The following GPR107 variants were observed in gnomAD, a reference collection of about 807,000 sequenced individuals.
The protein encoded by GPR107 is protein GPR107.
In GPR107, 31 loss-of-function variants were observed where a neutral mutation model predicts 75.5. The ratio of observed to expected loss-of-function variants is 0.41; its 90% CI spans 0.31 to 0.55. The LOEUF is 0.55. Among genes scored for constraint, GPR107 ranks in the 20% least tolerant of loss-of-function variants. The pLI is 0.26. For synonymous variants in GPR107, 267 were observed against 251.3 expected (o/e 1.06, Z -0.59); for missense variants, 572 against 665.7 (o/e 0.86, Z 1.55).
chr9:130,068,335 G>A (rs2132547588), intron 1 of GPR107, among the ~76,000 whole-genome samples: 1 of 151,668 alleles, frequency 6.6e-6, no homozygotes, highest in East Asian at 1.9e-4. Context: ...ACAAGCTCTG[G>A]ATCTTGTGGC....
rs962659145 is a variant in GPR107 at position 130,112,004 on chromosome 9, A to G, written c.1306+4465A>G. ...CACTCTGTCTCGCCTGCTAAGATTT[A>G]CTGGCTCTGACTGCCCTTGAGCCCG... On this transcript the variant is annotated intron_variant, in intron 14 of 17. Coordinates refer to ENST00000347136, the MANE Select transcript of GPR107 (RefSeq NM_020960.5). The surrounding 1 kb of genome is among the most constrained non-coding windows in gnomAD (Gnocchi z 4.0). 1.1e-4 allele frequency among the ~76,000 whole-genome samples: 17 copies of G among 152,140 alleles called. No individual in the cohort carries two copies. The highest frequency in any genetic ancestry group is 6.5e-5 in the Admixed American group (1 of 15,284).
chr9:130,087,304 C>T (rs1830636860), intron 7 of GPR107, among the ~76,000 whole-genome samples: 1 of 152,054 alleles, frequency 6.6e-6, no homozygotes, highest in Non-Finnish European at 1.5e-5. Context: ...TCCCAAAGTG[C>T]CGAGATTACA....
chr9:130,130,796 G>C (rs560907977), intron 17 of GPR107, among the ~76,000 whole-genome samples: 1 of 150,526 alleles, frequency 6.6e-6, no homozygotes, highest in East Asian at 2.0e-4. Flanking sequence ...CTTGAAATCG[G>C]AAGGCGGAGG....
intron 1 of GPR107, among the ~76,000 whole-genome samples, chr9:130,057,473 C>G (rs1564655554): frequency 6.7e-6 from 1 of 148,158 alleles, no homozygotes; most frequent in Non-Finnish European, 1.5e-5. Flanking sequence ...TGGCTCCAGC[C>G]TGGGGGACAG....
chr9:130,098,976 G>A (rs1335219014), intron 9 of GPR107, among the ~76,000 whole-genome samples: 3 of 151,910 alleles, frequency 2.0e-5, no homozygotes, highest in Non-Finnish European at 2.9e-5. Context: ...TTGTGCCACT[G>A]CACTCCAGCC....
intron 6 of GPR107, among the ~76,000 whole-genome samples, chr9:130,086,209 A>C (rs1054567622): frequency 2.6e-5 from 4 of 152,214 alleles, no homozygotes; most frequent in African/African-American, 4.8e-5. Context: ...GTGCAGAGGC[A>C]GAAGAGACAG....
intron 10 of GPR107, among the ~76,000 whole-genome samples, chr9:130,099,999 A>T (rs1830981790): frequency 6.9e-6 from 1 of 144,174 alleles, no homozygotes. Flanking sequence ...GGTTCACGCC[A>T]TTCTCCTGCC....
chr9:130,126,242 C>G (rs1320443410), intron 15 of GPR107, among the ~76,000 whole-genome samples: 1 of 144,550 alleles, frequency 6.9e-6, no homozygotes, highest in African/African-American at 2.5e-5. Flanking sequence ...AAAGACAGAG[C>G]TTGCTAGAAA....
At chr9:130,091,526 CTT>C (rs375016486) in intron 8 of GPR107, among the ~76,000 whole-genome samples, 55 of 123,154 alleles carry the variant, frequency 4.5e-4, no homozygotes, top group South Asian at 1.3e-3. Context: ...CTGGTACTCA[CTT>C]TTTTTTTTTT....
chr9:130,137,993 GTGTGTA>G lies in GPR107; in HGVS notation c.*2875_*2880del, dbSNP rs1832000693. 1 of 152,350 alleles carries G rather than the reference GTGTGTA, an allele frequency of 6.6e-6. No homozygotes were observed. The highest frequency in any genetic ancestry group is 2.4e-5 in the African/African-American group (1 of 41,582). 9.4% of individuals were successfully genotyped at this position (152,350 alleles called of 1,614,324 possible). ...GCTGCTGGCTGTGAAATTTAATAAA[GTGTGTA>G]TGCTTTGCTAGAAAATTATTTCTTG... On this transcript the variant is annotated 3_prime_UTR_variant, in exon 18 of 18. Coordinates refer to ENST00000347136, the MANE Select transcript of GPR107 (RefSeq NM_020960.5).
chr9:130,056,131 C>G (rs987308806), intron 1 of GPR107, among the ~76,000 whole-genome samples: 1 of 151,696 alleles, frequency 6.6e-6, no homozygotes. Flanking sequence ...TATAGAACCT[C>G]TCTCCAGAAA....
At chr9:130,123,608 A>G (rs1206826752) in intron 14 of GPR107, among the ~76,000 whole-genome samples, 1 of 146,464 alleles carries the variant, frequency 6.8e-6, no homozygotes. Context: ...GACTCAAGCA[A>G]TCCACCTGCC....
rs1366060681 is a variant in GPR107, at chr9:130,136,546, C to T, written c.*1425C>T. The T allele has an allele frequency of 6.6e-6, 1 of 152,262 alleles. No homozygotes were observed. The highest frequency in any genetic ancestry group is 2.1e-4 in the South Asian group (1 of 4,828). The allele number at this position is 152,262 out of a possible 1,614,324, so 9.4% of individuals were successfully genotyped here. A position where few individuals can be genotyped will look rare whatever the true frequency, so the allele number is the denominator to read the frequency against. On this transcript the variant is annotated 3_prime_UTR_variant, in exon 18 of 18. Transcript: ENST00000347136. ...AACAGGTACCTCCGAGGGTGAGAGTCGTGGTCTCTGGGAGTTGTTTTCTCA... is the reference window on the plus strand; with the variant it reads ...AACAGGTACCTCCGAGGGTGAGAGTTGTGGTCTCTGGGAGTTGTTTTCTCA...
chr9:130,118,775 G>A (rs930935065), intron 14 of GPR107, among the ~76,000 whole-genome samples: 8 of 152,286 alleles, frequency 5.3e-5, no homozygotes, highest in Admixed American at 2.6e-4. Context: ...AAGCTCTTCC[G>A]ATGATTCTGT....
chr9:130,086,308 G>C lies in GPR107; in HGVS notation c.565-112G>C, dbSNP rs1589500810. The stretch of plus-strand genomic sequence containing the variant: ...TTATTTTCAGAGAGCTTTTTTGAAG[G>C]TCAGCAAATTTAGAGTTTAAGAAAC... On this transcript the variant is annotated intron_variant, in intron 6 of 17. Transcript: ENST00000347136. 8 of 686,950 alleles carry C rather than the reference G, an allele frequency of 1.2e-5. No homozygotes were observed. The East Asian group carries it at 2.0e-4, about 17-fold the overall frequency. The allele number at this position is 686,950 out of a possible 1,614,324, so 42.6% of individuals were successfully genotyped here.
At chr9:130,099,310 G>A in intron 9 of GPR107, 147 bp from the exon 10 acceptor site, 1 of 585,036 alleles carries the variant, frequency 1.7e-6, no homozygotes, top group Non-Finnish European at 3.0e-6. Flanking sequence ...ATAAGACCCT[G>A]TCTCAAAAAA....
At chr9:130,079,022 G>A (rs193023943) in intron 4 of GPR107, among the ~76,000 whole-genome samples, 59 of 152,258 alleles carry the variant, frequency 3.9e-4, no homozygotes, top group African/African-American at 1.3e-3. Context: ...GCAGTGGCAC[G>A]ATCTTGGCTC....
intron 14 of GPR107, 35 bp downstream of exon 14, chr9:130,107,574 CT>C: frequency 6.9e-7 from 1 of 1,442,058 alleles, no homozygotes; most frequent in Non-Finnish European, 9.8e-7. Context: ...TGTTGCTCAG[CT>C]TGCTCTGAAC....
chr9:130,083,603 G>C lies in GPR107; in HGVS notation c.564+1G>C. The stretch of plus-strand genomic sequence containing the variant: ...TAAAAGAAGTACAGTGGATTCAAAG[G>C]TAAGAACTAACCACCCTTTTGTGCT... On this transcript the variant is annotated splice_donor_variant, in intron 6 of 17. Transcript: ENST00000347136. LOFTEE classifies it high-confidence loss of function. 3.9e-6 allele frequency: 6 copies of C among 1,519,340 alleles called. No individual in the cohort carries two copies. Among genetic ancestry groups the C allele is most frequent in the Non-Finnish European group, 5.3e-6 (6 of 1,140,938 alleles). 94.1% of individuals were successfully genotyped at this position (1,519,340 alleles called of 1,614,324 possible). A position where few individuals can be genotyped will look rare whatever the true frequency, so the allele number is the denominator to read the frequency against.
Sources: allele counts gnomAD v4.1 joint callset (sites outside exome capture counted in the v4.1 genomes callset), GRCh38; gene constraint gnomAD v4.1.1; non-coding constraint Gnocchi (gnomAD v3.1); transcripts MANE v1.5; gene names NCBI Gene and HGNC (gene_info 2026-07-23, HGNC 2026-07-21).